The following STIM1 variants were observed in gnomAD, a reference collection of about 807,000 sequenced individuals.
The protein encoded by STIM1 is stromal interaction molecule 1.
A neutral mutation model predicts 74.7 loss-of-function variants in STIM1; 25 were observed. The ratio of observed to expected loss-of-function variants is 0.33; its 90% CI spans 0.24 to 0.47. The LOEUF (loss-of-function observed/expected upper bound fraction) is 0.47. STIM1 is among the 20% of genes least tolerant of loss of function. STIM1 has a pLI of 1.00. For missense variants in STIM1, 728 were observed against 920.8 expected, an observed-to-expected ratio of 0.79 and a Z score of 2.71; for synonymous variants, 328 against 348.8, an observed-to-expected ratio of 0.94 and a Z score of 0.66.
intron 1 of STIM1, among the ~76,000 whole-genome samples, chr11:3,885,875 C>T (rs1012301500): frequency 4.6e-5 from 7 of 152,302 alleles, no homozygotes; most frequent in Admixed American, 3.9e-4. Context: ...TGGGCTCAAG[C>T]AGTCCTCCCG....
At chr11:4,077,570 C>G (rs2094444080) in intron 7 of STIM1, among the ~76,000 whole-genome samples, 1 of 152,114 alleles carries the variant, frequency 6.6e-6, no homozygotes, top group African/African-American at 2.4e-5. Flanking sequence ...TTGCCTAACT[C>G]TAGAATATAC....
At chr11:3,991,169 C>CTTTTTT (rs1246143538) in intron 2 of STIM1, among the ~76,000 whole-genome samples, 24 of 124,206 alleles carry the variant, frequency 1.9e-4, no homozygotes, top group South Asian at 2.6e-4. Flanking sequence ...TCTTTCCTTT[C>CTTTTTT]TTTTTTTTTT....
chr11:3,868,457 A>G (rs1485290997), intron 1 of STIM1, among the ~76,000 whole-genome samples: 6 of 152,242 alleles, frequency 3.9e-5, no homozygotes, highest in Non-Finnish European at 7.3e-5. Context: ...ATCTGATCCC[A>G]AGACCAAAAT....
chr11:3,855,010 A>T (rs1418639204), upstream of STIM1: 4 of 152,248 alleles, frequency 2.6e-5, no homozygotes, highest in Admixed American at 6.5e-5. Context: ...AGGCCCTCCC[A>T]GGAGCGCCGA....
intron 2 of STIM1, among the ~76,000 whole-genome samples, chr11:4,006,057 G>C (rs539599278): frequency 6.6e-6 from 1 of 152,150 alleles, no homozygotes; most frequent in African/African-American, 2.4e-5. Context: ...ACCAAATCTC[G>C]TGTTGAATTG....
At chr11:3,942,461 G>A (rs2093023183) in intron 1 of STIM1, among the ~76,000 whole-genome samples, 1 of 152,124 alleles carries the variant, frequency 6.6e-6, no homozygotes, top group South Asian at 2.1e-4. Flanking sequence ...ATAGACAGTT[G>A]CCCTCTTCCA....
intron 2 of STIM1, chr11:3,973,952 A>G: frequency 1.7e-6 from 1 of 576,482 alleles, no homozygotes; most frequent in Non-Finnish European, 3.1e-6. Context: ...TTTCATAGTT[A>G]AGTGGGCATG....
intron 2 of STIM1, chr11:3,973,048 C>T: frequency 2.2e-6 from 1 of 459,064 alleles, no homozygotes; most frequent in African/African-American, 2.0e-5. Context: ...AGAGCTGACA[C>T]TCCTGCTGTA....
chr11:3,863,220 ATGTGTGTG>A (rs56737126), intron 1 of STIM1, among the ~76,000 whole-genome samples: 36,193 of 125,748 alleles, frequency 0.29, 5,034 homozygotes, highest in African/African-American at 0.38. Context: ...GAGACAATGC[ATGTGTGTG>A]TGTGTGTGTG....
intron 3 of STIM1, among the ~76,000 whole-genome samples, chr11:4,050,453 G>A (rs920254749): frequency 2.6e-5 from 4 of 152,214 alleles, no homozygotes; most frequent in Non-Finnish European, 5.9e-5. Flanking sequence ...AATTGGGACA[G>A]TTCTTGTCTG....
chr11:4,085,457 G>A (rs1260717162), intron 11 of STIM1, among the ~76,000 whole-genome samples: 9 of 152,134 alleles, frequency 5.9e-5, no homozygotes, highest in Non-Finnish European at 1.0e-4. Flanking sequence ...CCCTTCACTG[G>A]GCATAGTGGC....
chr11:4,091,166 C>T, intron 12 of STIM1, 116 bp from the exon 13 acceptor site: 1 of 1,432,946 alleles, frequency 7.0e-7, no homozygotes, highest in South Asian at 1.2e-5. Context: ...CCGCTCTATC[C>T]CCATTTTCCT....
intron 8 of STIM1, among the ~76,000 whole-genome samples, 199 bp downstream of exon 8, chr11:4,082,550 G>A (rs2094470927): frequency 6.6e-6 from 1 of 152,142 alleles, no homozygotes; most frequent in African/African-American, 2.4e-5. Flanking sequence ...GGGTGTAGGG[G>A]CATTCCTGCC....
At position 3,973,525 on chromosome 11, in the gene STIM1, G is replaced by A. The variant is rs147243462; in HGVS notation, c.270+5843G>A. 1,096 of 215,346 alleles carry A rather than the reference G, an allele frequency of 5.1e-3. 9 individuals carry two copies. Among genetic ancestry groups the A allele is most frequent in the Middle Eastern group, 0.011 (6 of 524 alleles). The allele number at this position is 215,346 out of a possible 1,614,324, so 13.3% of individuals were successfully genotyped here. Reference sequence around the variant, plus strand: ...AGTGATCCTCCCATCTCAGCCTCCCGAGTAGCTGGGACTACAGGCGCGCAC... The same window carrying A: ...AGTGATCCTCCCATCTCAGCCTCCCAAGTAGCTGGGACTACAGGCGCGCAC... On this transcript the variant is annotated intron_variant, in intron 2 of 12. Coordinates refer to ENST00000526596, the MANE Select transcript of STIM1 (RefSeq NM_001382567.1).
intron 2 of STIM1, among the ~76,000 whole-genome samples, chr11:4,015,527 G>A (rs2093887745): frequency 6.6e-6 from 1 of 152,126 alleles, no homozygotes; most frequent in Non-Finnish European, 1.5e-5. Flanking sequence ...GTGTCTTGGG[G>A]TTGCTCTTCT....
intron 3 of STIM1, among the ~76,000 whole-genome samples, chr11:4,052,816 A>G (rs929852694): frequency 3.9e-5 from 6 of 152,212 alleles, no homozygotes; most frequent in Non-Finnish European, 7.3e-5. Flanking sequence ...ACAGAATGGG[A>G]GAAAAGTTTT....
chr11:3,860,768 C>G (rs1249974109), intron 1 of STIM1, among the ~76,000 whole-genome samples: 13 of 152,118 alleles, frequency 8.5e-5, no homozygotes. Context: ...GAGTCAGGGA[C>G]CTTAACTTAA....
chr11:3,960,050 T>TAAAA (rs1330944990), intron 1 of STIM1, among the ~76,000 whole-genome samples: 5 of 152,258 alleles, frequency 3.3e-5, no homozygotes, highest in Non-Finnish European at 7.3e-5. Flanking sequence ...TTTAGTATTC[T>TAAAA]GTGTGATGAA....
intron 2 of STIM1, among the ~76,000 whole-genome samples, chr11:4,011,741 G>A (rs2093838566): frequency 1.3e-5 from 2 of 152,146 alleles, no homozygotes; most frequent in South Asian, 4.1e-4. Flanking sequence ...GATCCCATTT[G>A]TCTGTTTTGG....
Sources: allele counts gnomAD v4.1 joint callset (sites outside exome capture counted in the v4.1 genomes callset), GRCh38; gene constraint gnomAD v4.1.1; transcripts MANE v1.5; gene names NCBI Gene and HGNC (gene_info 2026-07-23, HGNC 2026-07-21).